The following SPINK5 variants were observed in gnomAD, a reference collection of about 807,000 sequenced individuals.
SPINK5 encodes serine peptidase inhibitor Kazal type 5, also known as serine protease inhibitor Kazal-type 5.
A neutral mutation model predicts 151.8 loss-of-function variants in SPINK5; 125 were observed. That is an observed-to-expected ratio of 0.82 (90% confidence interval 0.71 to 0.96). SPINK5 has a LOEUF of 0.96. Among genes scored for constraint, SPINK5 ranks in the 40% least tolerant of loss-of-function variants. The probability of loss-of-function intolerance (pLI) is 0.00; values close to 1 mark genes in which losing one functional copy is unlikely to be tolerated. For missense variants in SPINK5, 1,194 were observed against 1,291.9 expected, an observed-to-expected ratio of 0.92 and a Z score of 1.16; for synonymous variants, 374 against 395.3, an observed-to-expected ratio of 0.95 and a Z score of 0.64.
chr5:148,112,155 T>C (rs1438997871), intron 19 of SPINK5, among the ~76,000 whole-genome samples: 5 of 152,290 alleles, frequency 3.3e-5, no homozygotes, highest in Admixed American at 6.5e-5. Context: ...GTTAATGGCA[T>C]AAAAGGATTA....
rs1461636004 is a variant in SPINK5, at chr5:148,082,831, G to C, written c.283-3574G>C. ...TCACCGTGTTAGCCAGGATGGTCTC[G>C]ATCTCCTGACCTCGTGATCCGCCCG... On this transcript the variant is annotated intron_variant, in intron 4 of 32. Coordinates refer to ENST00000256084, the MANE Select transcript of SPINK5 (RefSeq NM_006846.4). Among the ~76,000 whole-genome samples the C allele has an allele frequency of 1.3e-4, 2 of 15,030 alleles. 1 individual carries two copies. The highest frequency in any genetic ancestry group is 1.2e-3 in the African/African-American group (2 of 1,728). 9.9% of individuals were successfully genotyped at this position (15,030 alleles called of 152,430 possible).
chr5:148,065,439 A>C, intron 2 of SPINK5, 67 bp downstream of exon 2: 1 of 1,540,184 alleles, frequency 6.5e-7, no homozygotes, highest in Non-Finnish European at 9.0e-7. Context: ...GTTTGTGGCC[A>C]ACACCTTCAT....
intron 30 of SPINK5, 82 bp downstream of exon 30, chr5:148,127,161 A>G (rs577208841): frequency 1.6e-6 from 2 of 1,241,978 alleles, no homozygotes; most frequent in South Asian, 1.3e-5. Context: ...TGCTATTTTC[A>G]TAGAAGGGTC....
At chr5:148,066,325 T>C (rs1050847349) in intron 2 of SPINK5, among the ~76,000 whole-genome samples, 1 of 152,172 alleles carries the variant, frequency 6.6e-6, no homozygotes, top group Non-Finnish European at 1.5e-5. Flanking sequence ...TATATTTATA[T>C]ACACACACAC....
In SPINK5 at chr5:148,125,795, C is replaced by T; in HGVS notation, c.2812C>T (p.His938Tyr). The T allele has an allele frequency of 6.2e-7, 1 of 1,614,156 alleles. No individual in the cohort carries two copies. The highest frequency in any genetic ancestry group is 2.2e-5 in the East Asian group (1 of 44,878). The change falls in exon 29 of 33, where the codon CAC (histidine) becomes TAC (tyrosine). Residue 938 changes from histidine to tyrosine, a missense_variant. Transcript: ENST00000256084. ...CTGCCCTAGAGAGAATGACCCAGTGCACGGTGCTGATGGAAAGTTCTATAC... is the reference window on the plus strand; with the variant it reads ...CTGCCCTAGAGAGAATGACCCAGTGTACGGTGCTGATGGAAAGTTCTATAC... ...LICPRENDPV[H>Y]GADGKFYTNK...
At chr5:148,128,133 C>A (rs1754480735) in intron 30 of SPINK5, among the ~76,000 whole-genome samples, 1 of 152,068 alleles carries the variant, frequency 6.6e-6, no homozygotes, top group Non-Finnish European at 1.5e-5. Flanking sequence ...GAGTTACATA[C>A]ATGAAATATG....
At position 148,111,989 on chromosome 5, in the gene SPINK5, A is replaced by G. The variant is rs2287767; in HGVS notation, c.1820+94A>G. On this transcript the variant is annotated intron_variant, in intron 19 of 32. Transcript: ENST00000256084. ...TGACATTGGAAGTTTTCTCCAGGAGATAGATAATAAAGGCTGTCTTTGCAC... is the reference window on the plus strand; with the variant it reads ...TGACATTGGAAGTTTTCTCCAGGAGGTAGATAATAAAGGCTGTCTTTGCAC... The G allele has an allele frequency of 0.11, 174,464 of 1,582,218 alleles. 14,262 individuals are homozygous for G. The highest frequency in any genetic ancestry group is 0.31 in the East Asian group (13,728 of 44,592).
chr5:148,129,506 T>TA (rs34942457), intron 30 of SPINK5, among the ~76,000 whole-genome samples: 5 of 100,742 alleles, frequency 5.0e-5, no homozygotes, highest in African/African-American at 1.5e-4. Flanking sequence ...TGTACTATGT[T>TA]AAAAAAATGA....
In SPINK5 at chr5:148,101,393, A is replaced by C. The variant is rs1273266430; in HGVS notation, c.1259A>C (p.Lys420Thr). 6.2e-7 allele frequency: 1 copy of C among 1,612,022 alleles called. No homozygotes were observed. Among genetic ancestry groups the C allele is most frequent in the Non-Finnish European group, 8.5e-7 (1 of 1,178,300 alleles). The stretch of plus-strand genomic sequence containing the variant: ...GAAGAAAAGAAAAAGAAGGAAGGTA[A>C]ATCAAGAAACAAAAGACAATCTAAG... ...EEEEKKKKEG[K>T]SRNKRQSKST... Residue 420 changes from lysine to threonine, a missense_variant, in exon 14 of 33, where the codon AAA becomes ACA. Lys to Thr is a moderately conservative substitution (Grantham distance 78). Transcript: ENST00000256084.
chr5:148,082,793 T>G (rs1285052607), intron 4 of SPINK5, among the ~76,000 whole-genome samples: 1 of 59,690 alleles, frequency 1.7e-5, no homozygotes, highest in Non-Finnish European at 2.8e-5. Flanking sequence ...GTATTTTTAG[T>G]AGAGACAGGG....
intron 15 of SPINK5, among the ~76,000 whole-genome samples, chr5:148,103,152 T>C (rs1404056347): frequency 1.3e-5 from 2 of 152,170 alleles, no homozygotes; most frequent in East Asian, 1.9e-4. Context: ...GTTGAGATCA[T>C]GACCATATAA....
rs184048811 is a variant in SPINK5 at position 148,101,437 on chromosome 5, G to A, written c.1302+1G>A. The A allele has an allele frequency of 6.2e-7, 1 of 1,607,854 alleles. No individual in the cohort carries two copies. The highest frequency in any genetic ancestry group is 1.7e-5 in the Admixed American group (1 of 59,924). ...ATCTAAGAGTACAGCTTCCTTTGAGGTGAGTTTATATCCTCCAGCAACTCA... is the reference window on the plus strand; with the variant it reads ...ATCTAAGAGTACAGCTTCCTTTGAGATGAGTTTATATCCTCCAGCAACTCA... On this transcript the variant is annotated splice_donor_variant, in intron 14 of 32. Coordinates refer to ENST00000256084, the MANE Select transcript of SPINK5 (RefSeq NM_006846.4). LOFTEE classifies it high-confidence loss of function.
In SPINK5 at chr5:148,068,186, A is replaced by T. The variant is rs910118498; in HGVS notation, c.82-2137A>T. Among the ~76,000 whole-genome samples the T allele has an allele frequency of 2.6e-5, 4 of 152,262 alleles. No homozygotes were observed. In the East Asian group the frequency reaches 7.7e-4, roughly 29 times the overall value. On this transcript the variant is annotated intron_variant, in intron 2 of 32. Transcript: ENST00000256084. ...CCCAGTTATTAATCTGTGTCCAGAA[A>T]TTACTACTCTGCTACTCTGATGGAG...
chr5:148,133,813 A>G lies in SPINK5; in HGVS notation c.3112A>G (p.Thr1038Ala), dbSNP rs753654044. ...CTGTTTTAGGATACGCCAAACAAATACACACATCCGCAGTACAGGGAAGTG... is the reference window on the plus strand; with the variant it reads ...CTGTTTTAGGATACGCCAAACAAATGCACACATCCGCAGTACAGGGAAGTG... ...CHENLIRQTN[T>A]HIRSTGKCEE... The change falls in exon 32 of 33, where the codon ACA becomes GCA. Residue 1038 changes from threonine to alanine, a missense_variant. Thr to Ala is a moderately conservative substitution (Grantham distance 58). Transcript: ENST00000256084. 4 of 1,613,994 alleles carry G rather than the reference A, an allele frequency of 2.5e-6. No individual in the cohort carries two copies. In the East Asian group the frequency reaches 8.9e-5, roughly 36 times the overall value.
chr5:148,108,075 T>C (rs1753827374), intron 17 of SPINK5, among the ~76,000 whole-genome samples: 1 of 152,034 alleles, frequency 6.6e-6, no homozygotes, highest in Admixed American at 6.6e-5. Context: ...GAAGCCAGGG[T>C]TTTTCTCTCA....
chr5:148,070,223 A>G (rs1561672397), intron 2 of SPINK5, 100 bp from the exon 3 acceptor site: 5 of 1,389,018 alleles, frequency 3.6e-6, no homozygotes, highest in Non-Finnish European at 5.0e-6. Context: ...TTGTGTGTGT[A>G]TATATATGCA....
chr5:148,065,554 C>CAA lies in SPINK5; in HGVS notation c.81+183_81+184insAA, dbSNP rs200149071. 2,516 of 592,756 alleles carry CAA rather than the reference C, an allele frequency of 4.2e-3. 59 individuals are homozygous for CAA. The African/African-American group carries it at 0.047, about 11-fold the overall frequency. 36.7% of individuals were successfully genotyped at this position (592,756 alleles called of 1,614,324 possible). ...GACATGAGCCTCTCTCTCACACACA[C>CAA]ACACACACACACACACACTCAACAT... On this transcript the variant is annotated intron_variant, in intron 2 of 32. Transcript: ENST00000256084.
chr5:148,097,182 A>G (rs79320557), intron 10 of SPINK5, among the ~76,000 whole-genome samples: 5,074 of 151,602 alleles, frequency 0.033, 146 homozygotes, highest in East Asian at 0.12. Flanking sequence ...AATCCTCCAC[A>G]CATCTGGTTG....
At chr5:148,134,717 T>C (rs1754655102) in intron 32 of SPINK5, among the ~76,000 whole-genome samples, 3 of 152,198 alleles carry the variant, frequency 2.0e-5, no homozygotes, top group Admixed American at 2.0e-4. Context: ...GGTATAGTGC[T>C]TATTTATTTT....
Sources: allele counts gnomAD v4.1 joint callset (sites outside exome capture counted in the v4.1 genomes callset), GRCh38; gene constraint gnomAD v4.1.1; transcripts MANE v1.5; gene names NCBI Gene and HGNC (gene_info 2026-07-23, HGNC 2026-07-21).